Variants in DDX3X observed in about 807,000 individuals in gnomAD.
DDX3X encodes the protein ATP-dependent RNA helicase DDX3X.
DDX3X carries 4 observed loss-of-function variants against 52.7 expected under a neutral mutation model. That is an observed-to-expected ratio of 0.08 (90% CI 0.04 to 0.17). DDX3X has a LOEUF of 0.17. Ranked by LOEUF, DDX3X falls within the 10% of genes least tolerant of loss-of-function variation. DDX3X has a pLI of 1.00. For missense variants in DDX3X, 222 were observed against 548.6 expected, an observed-to-expected ratio of 0.40 and a Z score of 5.95; for synonymous variants, 192 against 178.1, an observed-to-expected ratio of 1.08 and a Z score of -0.62.
upstream of DDX3X, chrX:41,333,820 A>G (rs2063712432): frequency 7.3e-6 from 1 of 136,254 alleles, no homozygotes; most frequent in Non-Finnish European, 1.5e-5. Flanking sequence ...GCCTAGGTTA[A>G]CATTTTCAGG....
downstream of DDX3X, chrX:41,350,494 A>G (rs1169547280): frequency 1.8e-5 from 2 of 112,097 alleles, no homozygotes; most frequent in Non-Finnish European, 3.8e-5. Context: ...ACAATTTGAC[A>G]TGGGTGGGAG....
At position 41,347,463 on chromosome X, in the gene DDX3X, CTG is replaced by C. The variant is rs754619491; in HGVS notation, c.1909+14_1909+15del. The C allele has an allele frequency of 1.7e-6, 2 of 1,203,556 alleles. No homozygotes were observed. The highest frequency in any genetic ancestry group is 3.0e-5 in the East Asian group (1 of 33,747). On this transcript the variant is annotated intron_variant, in intron 16 of 16. Transcript: ENST00000644876. The stretch of plus-strand genomic sequence containing the variant: ...AGGATTTGGTGGAGGTAGTGTTAAT[CTG>C]TAACTTCATAGCTTTGGGAAGGGTT...
downstream of DDX3X, among the ~76,000 whole-genome samples, chrX:41,353,827 CAA>C (rs1437438137): frequency 1.8e-5 from 2 of 108,176 alleles, no homozygotes; most frequent in Non-Finnish European, 3.8e-5. Flanking sequence ...CACACACACA[CAA>C]TAAAGCTGCC....
intron 2 of DDX3X, chrX:41,338,105 T>C (rs1246700002): frequency 3.6e-5 from 4 of 111,195 alleles, no homozygotes; most frequent in Non-Finnish European, 7.5e-5. Flanking sequence ...AGTTGCTTTT[T>C]TTCTTCTAAG....
downstream of DDX3X, among the ~76,000 whole-genome samples, chrX:41,354,375 G>A (rs778163710): frequency 1.3e-4 from 9 of 68,154 alleles, no homozygotes; most frequent in South Asian, 5.3e-3. Flanking sequence ...ACAGGGTTGC[G>A]CAGGCTGGTG....
intron 1 of DDX3X, 120 bp from the exon 2 acceptor site, chrX:41,337,288 T>C (rs1231220724): frequency 1.4e-5 from 8 of 581,881 alleles, no homozygotes; most frequent in Non-Finnish European, 2.1e-5. Context: ...GTATTAGCCC[T>C]GTGAGGTGGA....
Position 41,344,254 on chromosome X carries a change from A to G in DDX3X, c.880A>G (p.Arg294Gly). 8.3e-7 allele frequency: 1 copy of G among 1,211,640 alleles called. No individual in the cohort carries two copies. Among genetic ancestry groups the G allele is most frequent in the Non-Finnish European group, 1.1e-6 (1 of 895,453 alleles). Residue 294 changes from arginine (R) to glycine (G), a missense_variant, in exon 10 of 17, where the codon AGA becomes GGA. By Grantham distance (125) the Arg-to-Gly change is moderately radical (BLOSUM62 -2). Around this residue, in one of 5 missense-constraint regions of DDX3X, gnomAD observed 73 missense variants for 301.4 expected, o/e 0.24. Coordinates refer to ENST00000644876, the MANE Select transcript of DDX3X (RefSeq NM_001356.5). Reference sequence around the variant, plus strand: ...TTGCTTATAGTTTTCATACCGATCTAGAGTTCGTCCTTGCGTGGTTTATGG... The same window carrying G: ...TTGCTTATAGTTTTCATACCGATCTGGAGTTCGTCCTTGCGTGGTTTATGG... ...EEARKFSYRS[R>G]VRPCVVYGGA... is the part of the protein sequence containing the mutation.
At chrX:41,341,734 C>A in intron 4 of DDX3X, 118 bp downstream of exon 4, 1 of 682,620 alleles carries the variant, frequency 1.5e-6, no homozygotes, top group Non-Finnish European at 2.1e-6. Context: ...ATTTTCTTAG[C>A]CGTAAGAGGC....
Position 41,341,589 on chromosome X carries a change from G to A in DDX3X, c.257G>A (p.Ser86Asn). ...SDSRGKSSFF[S>N]DRGSGSRGRF... ...TCAAGAGGGAAGTCTAGCTTCTTCA[G>A]TGATCGTGGAAGTGGATCAAGGGGA... Residue 86 changes from serine to asparagine, a missense_variant, in exon 4 of 17, where the codon AGT (serine) becomes AAT (asparagine). By Grantham distance (46) the Ser-to-Asn change is conservative. Transcript: ENST00000644876. The A allele has an allele frequency of 8.3e-7, 1 of 1,211,290 alleles. No individual in the cohort carries two copies. The highest frequency in any genetic ancestry group is 1.1e-6 in the Non-Finnish European group (1 of 895,042).
At chrX:41,351,302 T>C (rs1317999355), downstream of DDX3X, 2 of 112,315 alleles carry the variant, frequency 1.8e-5, no homozygotes, top group Non-Finnish European at 3.8e-5. Flanking sequence ...TTAGTATGTT[T>C]ACATACTACA....
At chrX:41,357,087 C>G (rs1276688540) in intron 5 of DDX3X, among the ~76,000 whole-genome samples, 5 of 108,756 alleles carry the variant, frequency 4.6e-5, no homozygotes, top group African/African-American at 1.3e-4. Flanking sequence ...GTGTGCGCCA[C>G]CACACCCAGA....
intron 5 of DDX3X, among the ~76,000 whole-genome samples, chrX:41,359,804 CA>C (rs199523291): frequency 2.9e-5 from 3 of 103,835 alleles, no homozygotes; most frequent in South Asian, 4.2e-4. Flanking sequence ...ACTAAAAATA[CA>C]AAAAAAAATA....
intron 10 of DDX3X, 44 bp downstream of exon 10, chrX:41,344,443 G>A (rs1569238610): frequency 1.2e-5 from 14 of 1,198,193 alleles, no homozygotes; most frequent in African/African-American, 1.7e-5. Flanking sequence ...GTTTTGTTTT[G>A]TTCTTTTGTT....
chrX:41,343,941 A>G lies in DDX3X; in HGVS notation c.766-89A>G. ...AAACCAGTTTTCAAGTGTAATCTGT[A>G]ATCTATAAATTACAAAAGGGAATTA... is the stretch of plus-strand genomic sequence containing the variant. On this transcript the variant is annotated intron_variant, in intron 8 of 16. Coordinates refer to ENST00000644876, the MANE Select transcript of DDX3X (RefSeq NM_001356.5). 3 of 998,043 alleles carry G rather than the reference A, an allele frequency of 3.0e-6. 1 individual carries two copies. The South Asian group carries it at 6.6e-5, about 22-fold the overall frequency. 82.2% of individuals were successfully genotyped at this position (998,043 alleles called of 1,213,427 possible).
Position 41,349,745 on chromosome X carries a change from T to C in DDX3X, c.*2026T>C, listed in dbSNP as rs1421844874. 8.9e-6 allele frequency: 1 copy of C among 111,762 alleles called. No individual in the cohort carries two copies. Among genetic ancestry groups the C allele is most frequent in the African/African-American group, 3.3e-5 (1 of 30,681 alleles). The allele number at this position is 111,762 out of a possible 1,213,427, so 9.2% of individuals were successfully genotyped here. On this transcript the variant is annotated 3_prime_UTR_variant, in exon 17 of 17. Coordinates refer to ENST00000644876, the MANE Select transcript of DDX3X (RefSeq NM_001356.5). ...GGCGTTGGCAGTGTAGCCATAACTTTCTGATGTTAGTAAAAACAAAATTGG... is the reference window on the plus strand; with the variant it reads ...GGCGTTGGCAGTGTAGCCATAACTTCCTGATGTTAGTAAAAACAAAATTGG...
rs1198019387 is a variant in DDX3X, at chrX:41,349,389, G to T, written c.*1670G>T. 3 of 111,884 alleles carry T rather than the reference G, an allele frequency of 2.7e-5. No homozygotes were observed. The highest frequency in any genetic ancestry group is 6.5e-5 in the African/African-American group (2 of 30,685). The allele number at this position is 111,884 out of a possible 1,213,427, so 9.2% of individuals were successfully genotyped here. On this transcript the variant is annotated 3_prime_UTR_variant, in exon 17 of 17. Coordinates refer to ENST00000644876, the MANE Select transcript of DDX3X (RefSeq NM_001356.5). ...TCTTGGAGATTGTTGAACGCAGCTT[G>T]TCTAGGAAGGGGATGGGACTAGATT...
intron 3 of DDX3X, chrX:41,340,100 G>C (rs1256500471): frequency 9.1e-6 from 1 of 110,053 alleles, no homozygotes; most frequent in African/African-American, 3.3e-5. Flanking sequence ...GTAGAGACGG[G>C]GTTTTGCCTT....
Position 41,342,725 on chromosome X carries a change from T to C in DDX3X, c.444-12T>C. 8.3e-7 allele frequency: 1 copy of C among 1,210,377 alleles called. No individual in the cohort carries two copies. Reference sequence around the variant, plus strand: ...AGTATAACAAATGAACTTATCCATTTTTTGATTTGAGGGAACTCTTTTCTG... The same window carrying C: ...AGTATAACAAATGAACTTATCCATTCTTTGATTTGAGGGAACTCTTTTCTG... On this transcript the variant is annotated splice_polypyrimidine_tract_variant and intron_variant, in intron 5 of 16. Coordinates refer to ENST00000644876, the MANE Select transcript of DDX3X (RefSeq NM_001356.5).
At chrX:41,338,351 C>G (rs750206771) in intron 2 of DDX3X, 2 of 111,623 alleles carry the variant, frequency 1.8e-5, no homozygotes, top group Non-Finnish European at 3.8e-5. Flanking sequence ...CTTTTAGGAA[C>G]TGATTGTCCT....
Sources: allele counts gnomAD v4.1 joint callset (sites outside exome capture counted in the v4.1 genomes callset), GRCh38; gene constraint gnomAD v4.1.1; regional missense constraint gnomAD v4.1.1; transcripts MANE v1.5; gene names NCBI Gene and HGNC (gene_info 2026-07-23, HGNC 2026-07-21).